LRRC9: variants seen among roughly 807,000 people sequenced by gnomAD.
LRRC9 encodes leucine rich repeat containing 9.
A neutral mutation model predicts 63.2 loss-of-function variants in LRRC9; 122 were observed. That is an observed-to-expected ratio of 1.93 (90% confidence interval 1.67 to 2.24). The LOEUF is 2.24. Among genes scored for constraint, LRRC9 ranks in the 30% most tolerant of loss-of-function variants. LRRC9 has a pLI of 0.00. For synonymous variants in LRRC9, 366 were observed against 213.1 expected (o/e 1.72, Z -6.25); for missense variants, 1,071 against 627.7 (o/e 1.71, Z -7.55).
chr14:59,921,902 G>A (rs1177770143), intron 1 of LRRC9, among the ~76,000 whole-genome samples: 4 of 151,760 alleles, frequency 2.6e-5, no homozygotes. Context: ...TGGCCAATAT[G>A]GTGAAACCCT....
At chr14:59,976,067 G>A (rs116767828) in intron 13 of LRRC9, among the ~76,000 whole-genome samples, 2,674 of 152,336 alleles carry the variant, frequency 0.018, 101 homozygotes, top group African/African-American at 0.062. Context: ...GCACATGCGA[G>A]GGATCTGGGT....
intron 9 of LRRC9, among the ~76,000 whole-genome samples, chr14:59,960,392 A>G (rs1884232115): frequency 6.6e-6 from 1 of 152,258 alleles, no homozygotes; most frequent in South Asian, 2.1e-4. Context: ...GTTATCAATT[A>G]GAAATGTAAA....
intron 7 of LRRC9, among the ~76,000 whole-genome samples, chr14:59,939,495 G>A (rs1881526948): frequency 6.6e-6 from 1 of 151,870 alleles, no homozygotes; most frequent in South Asian, 2.1e-4. Context: ...GTTAGAGGGG[G>A]AAAGTTGAAA....
intron 17 of LRRC9, among the ~76,000 whole-genome samples, chr14:59,989,529 C>T (rs896391273): frequency 7.9e-5 from 12 of 151,838 alleles, no homozygotes; most frequent in East Asian, 1.9e-4. Context: ...ACACTTTTTT[C>T]GTTTTTGTAA....
In LRRC9 at chr14:60,053,487, T is replaced by G. The variant is rs1894053421; in HGVS notation, c.4131+282T>G. Among the ~76,000 whole-genome samples, 1 of 151,884 alleles carries G rather than the reference T, an allele frequency of 6.6e-6. No individual in the cohort carries two copies. The highest frequency in any genetic ancestry group is 1.5e-5 in the Non-Finnish European group (1 of 67,972). On this transcript the variant is annotated intron_variant, in intron 30 of 31. Coordinates refer to ENST00000445360, the Ensembl canonical transcript of LRRC9. This position sits in a 1 kb window ranked among gnomAD's most constrained non-coding sequence, Gnocchi z 4.8. ...ACTTCATACTCTGACATAAGGAAAG[T>G]TATTTAATATTTGTATGCTCAATAT...
chr14:59,925,177 G>A (rs1889107919), intron 1 of LRRC9, among the ~76,000 whole-genome samples: 2 of 152,044 alleles, frequency 1.3e-5, no homozygotes, highest in Admixed American at 6.6e-5. Flanking sequence ...TTTCTTTGTG[G>A]TGCTAGCTTG....
chr14:59,972,370 A>G (rs953833451), intron 12 of LRRC9, among the ~76,000 whole-genome samples: 4 of 152,082 alleles, frequency 2.6e-5, no homozygotes, highest in Admixed American at 2.0e-4. Context: ...TAAAATACAA[A>G]TTTACATTCA....
chr14:59,983,693 G>T (rs1594939884), intron 16 of LRRC9, among the ~76,000 whole-genome samples: 1 of 152,264 alleles, frequency 6.6e-6, no homozygotes, highest in East Asian at 1.9e-4. Context: ...TAAAGATGTA[G>T]GTTGGAATTC....
Position 59,986,596 on chromosome 14 carries a change from AT to A in LRRC9, c.2211+1379del, listed in dbSNP as rs1261742413. ...CTGTATGTAGATTGTTGGTATTTTT[AT>A]TTTTTTCTATTTATTTGCCAGCACT... On this transcript the variant is annotated intron_variant, in intron 17 of 31. Coordinates refer to ENST00000445360, the Ensembl canonical transcript of LRRC9. The surrounding 1 kb of genome is among the most constrained non-coding windows in gnomAD (Gnocchi z 4.7). Among the ~76,000 whole-genome samples the A allele has an allele frequency of 6.6e-6, 1 of 152,008 alleles. No individual in the cohort carries two copies. Among genetic ancestry groups the A allele is most frequent in the East Asian group, 1.9e-4 (1 of 5,186 alleles).
rs1310276644 is a variant in LRRC9 at position 59,927,748 on chromosome 14, T to C, written c.-33-163T>C. ...AAAATTAAAATAAAAAATAACCTCC[T>C]AACAGAAAACTCCCTCAGAGTTTAT... On this transcript the variant is annotated intron_variant, in intron 1 of 31. Transcript: ENST00000445360. This position sits in a 1 kb window ranked among gnomAD's most constrained non-coding sequence, Gnocchi z 4.4. 6.6e-6 allele frequency among the ~76,000 whole-genome samples: 1 copy of C among 152,000 alleles called. No individual in the cohort carries two copies. The highest frequency in any genetic ancestry group is 1.5e-5 in the Non-Finnish European group (1 of 67,898).
intron 12 of LRRC9, among the ~76,000 whole-genome samples, chr14:59,969,949 A>G (rs1180754365): frequency 6.6e-6 from 1 of 152,074 alleles, no homozygotes; most frequent in Non-Finnish European, 1.5e-5. Flanking sequence ...TCTCTTATAT[A>G]GTGTGTCTAA....
chr14:59,988,823 T>C (rs993170095), intron 17 of LRRC9, among the ~76,000 whole-genome samples: 1 of 152,204 alleles, frequency 6.6e-6, no homozygotes, highest in Admixed American at 6.5e-5. Flanking sequence ...AAATATATCC[T>C]ATTATAGATC....
chr14:60,012,544 G>A (rs1220385673), intron 23 of LRRC9, among the ~76,000 whole-genome samples: 3 of 152,180 alleles, frequency 2.0e-5, no homozygotes, highest in Admixed American at 2.0e-4. Flanking sequence ...TTGAGTAAAA[G>A]TAGATCAAAT....
rs1881272204 is a variant in LRRC9 at position 59,938,318 on chromosome 14, T to G, written c.544-72T>G. ...AGAATGCATTAGACTATGGCTGATC[T>G]TAGGTGTTCAAATACTGCCTTTAGA... On this transcript the variant is annotated intron_variant, in intron 6 of 31. Coordinates refer to ENST00000445360, the Ensembl canonical transcript of LRRC9. The surrounding 1 kb of genome is among the most constrained non-coding windows in gnomAD (Gnocchi z 4.2). 3.3e-6 allele frequency: 2 copies of G among 597,336 alleles called. No individual in the cohort carries two copies. Among genetic ancestry groups the G allele is most frequent in the African/African-American group, 1.9e-5 (1 of 53,024 alleles). The allele number at this position is 597,336 out of a possible 1,614,324, so 37.0% of individuals were successfully genotyped here.
At position 60,027,342 on chromosome 14, in the gene LRRC9, GA is replaced by G. The variant is rs1167988256; in HGVS notation, c.3704-539del. 6.6e-6 allele frequency among the ~76,000 whole-genome samples: 1 copy of G among 151,956 alleles called. No homozygotes were observed. The highest frequency in any genetic ancestry group is 2.4e-5 in the African/African-American group (1 of 41,402). On this transcript the variant is annotated intron_variant, in intron 27 of 31. Transcript: ENST00000445360. The surrounding 1 kb of genome is among the most constrained non-coding windows in gnomAD (Gnocchi z 4.0). ...TAGCTATTGATAGCTACAATAGAGA[GA>G]AATCATAGGTTTATAAATAAGGTTT...
At chr14:59,971,803 C>T (rs1014578253) in intron 12 of LRRC9, among the ~76,000 whole-genome samples, 5 of 152,106 alleles carry the variant, frequency 3.3e-5, no homozygotes, top group Non-Finnish European at 5.9e-5. Flanking sequence ...TTGCCTGCGA[C>T]CACTTTCAAC....
intron 12 of LRRC9, chr14:59,969,111 TG>T (rs1384832225): frequency 7.2e-5 from 11 of 152,228 alleles, no homozygotes; most frequent in African/African-American, 2.7e-4. Flanking sequence ...AGAAAGTTTT[TG>T]ATATTTTATT....
At chr14:60,044,437 T>A (rs999564687) in intron 29 of LRRC9, among the ~76,000 whole-genome samples, 1 of 152,322 alleles carries the variant, frequency 6.6e-6, no homozygotes, top group East Asian at 1.9e-4. Context: ...TTTATTGCAA[T>A]AAACTTTCCT....
chr14:59,965,623 C>A (rs2139994308), intron 10 of LRRC9, among the ~76,000 whole-genome samples: 1 of 151,958 alleles, frequency 6.6e-6, no homozygotes, highest in Non-Finnish European at 1.5e-5. Flanking sequence ...CGGTGGCTCA[C>A]GCCTGTAATC....
Sources: allele counts gnomAD v4.1 joint callset (sites outside exome capture counted in the v4.1 genomes callset), GRCh38; gene constraint gnomAD v4.1.1; non-coding constraint Gnocchi (gnomAD v3.1); transcripts MANE v1.5; gene names NCBI Gene and HGNC (gene_info 2026-07-23, HGNC 2026-07-21).